Variants in FAT3 observed in about 807,000 individuals in gnomAD.
FAT3 encodes the protein FAT atypical cadherin 3.
Under a neutral mutation model 310.2 loss-of-function variants are expected in FAT3, and 95 were observed. The ratio of observed to expected loss-of-function variants is 0.31; its 90% confidence interval spans 0.26 to 0.36. The LOEUF (loss-of-function observed/expected upper bound fraction) is 0.36, where lower values mean the gene tolerates loss of function less well. FAT3 is among the 10% of genes least tolerant of loss of function. FAT3 has a pLI of 1.00. For synonymous variants in FAT3, 2,314 were observed against 2,192.9 expected (o/e 1.06, Z -1.54); for missense variants, 5,408 against 5,715.6 (o/e 0.95, Z 1.74).
At chr11:92,780,807 C>A (rs370767887) in intron 7 of FAT3, among the ~76,000 whole-genome samples, 4 of 152,122 alleles carry the variant, frequency 2.6e-5, no homozygotes, top group South Asian at 4.1e-4. Flanking sequence ...AATACTTCAG[C>A]CTTCTCATAG....
At chr11:92,796,729 C>G (rs1224447615) in intron 9 of FAT3, among the ~76,000 whole-genome samples, 1 of 152,182 alleles carries the variant, frequency 6.6e-6, no homozygotes. Context: ...GTGAGGGATG[C>G]AACTTCACAC....
chr11:92,704,789 A>G (rs1034142972), intron 4 of FAT3, among the ~76,000 whole-genome samples: 1 of 152,198 alleles, frequency 6.6e-6, no homozygotes, highest in African/African-American at 2.4e-5. Context: ...TCGGTTATGC[A>G]GCCCTAGCAG....
At chr11:92,491,832 G>A (rs1311954534) in intron 2 of FAT3, among the ~76,000 whole-genome samples, 1 of 152,076 alleles carries the variant, frequency 6.6e-6, no homozygotes, top group African/African-American at 2.4e-5. Context: ...CAGGTGGGTA[G>A]CCTGGCCATG....
At chr11:92,816,515 G>A (rs1947830259) in intron 13 of FAT3, among the ~76,000 whole-genome samples, 1 of 152,206 alleles carries the variant, frequency 6.6e-6, no homozygotes, top group South Asian at 2.1e-4. Context: ...GGGACACATA[G>A]GGGAGGACTG....
chr11:92,773,973 G>T (rs746128260), intron 6 of FAT3, 68 bp from the exon 7 acceptor site: 148 of 1,561,908 alleles, frequency 9.5e-5, no homozygotes, highest in Admixed American at 1.9e-4. Flanking sequence ...TCCCTTTAAA[G>T]ATATATGATA....
At position 92,831,812 on chromosome 11, in the gene FAT3, C is replaced by G; in HGVS notation, c.9672C>G (p.Ile3224Met). The change falls in exon 14 of 28, where the codon ATC becomes ATG. Residue 3224 changes from isoleucine to methionine, a missense_variant. Physicochemically the swap from Ile to Met is conservative, Grantham distance 10. Coordinates refer to ENST00000525166, the MANE Select transcript of FAT3 (RefSeq NM_001367949.2). ...TGTCCTCTCTCACTACTGTCACCAT[C>G]ACCGTTCTGGACATTAATGACAACC... ...QSLSSLTTVT[I>M]TVLDINDNPP... The G allele has an allele frequency of 6.2e-7, 1 of 1,613,636 alleles. No homozygotes were observed. Among genetic ancestry groups the G allele is most frequent in the Non-Finnish European group, 8.5e-7 (1 of 1,179,776 alleles).
chr11:92,444,490 AGAGT>A (rs1951162873), intron 2 of FAT3, among the ~76,000 whole-genome samples: 1 of 152,176 alleles, frequency 6.6e-6, no homozygotes, highest in African/African-American at 2.4e-5. Flanking sequence ...TGTCCTGCGC[AGAGT>A]GAGTGCTATA....
chr11:92,749,945 T>G (rs966296604), intron 4 of FAT3, among the ~76,000 whole-genome samples: 1 of 152,148 alleles, frequency 6.6e-6, no homozygotes, highest in Non-Finnish European at 1.5e-5. Context: ...TTTTACCCAT[T>G]AGGATACATA....
At chr11:92,849,502 T>A (rs575595129) in intron 19 of FAT3, among the ~76,000 whole-genome samples, 4 of 152,190 alleles carry the variant, frequency 2.6e-5, no homozygotes, top group Non-Finnish European at 5.9e-5. Context: ...CAAGCTGCCC[T>A]CTGGATAACT....
chr11:92,360,374 G>T (rs917095088), intron 2 of FAT3, among the ~76,000 whole-genome samples: 3 of 152,136 alleles, frequency 2.0e-5, no homozygotes, highest in African/African-American at 7.2e-5. Flanking sequence ...CACAGTAAAT[G>T]GATTAAATGG....
At position 92,352,731 on chromosome 11, in the gene FAT3, C is replaced by G. The variant is rs2134632898; in HGVS notation, c.619C>G (p.His207Asp). 1 of 1,613,818 alleles carries G rather than the reference C, an allele frequency of 6.2e-7. No homozygotes were observed. Among genetic ancestry groups the G allele is most frequent in the East Asian group, 2.2e-5 (1 of 44,868 alleles). ...FKNKVDLFSV[H>D]PTSGVISLSG... ...AAATAAAGTTGATCTCTTTTCAGTT[C>G]ACCCCACGAGTGGTGTCATCTCCTT... Residue 207 changes from histidine (H) to aspartate (D), a missense_variant, in exon 2 of 28, where the codon CAC becomes GAC. This residue lies in a region of FAT3 where 4,588 missense variants were observed against 4,809.8 expected (regional missense o/e 0.95). Transcript: ENST00000525166.
chr11:92,856,320 T>G (rs1280484723), intron 19 of FAT3, among the ~76,000 whole-genome samples: 2 of 94,252 alleles, frequency 2.1e-5, no homozygotes, highest in Admixed American at 1.2e-4. Context: ...CAGTTGTGGG[T>G]TTTTTTAAAT....
chr11:92,509,255 C>A (rs1016356268), intron 2 of FAT3, among the ~76,000 whole-genome samples: 5 of 152,072 alleles, frequency 3.3e-5, no homozygotes, highest in Non-Finnish European at 5.9e-5. Flanking sequence ...TCTGAAACTG[C>A]TGGTTAAAAT....
At position 92,453,374 on chromosome 11, in the gene FAT3, T is replaced by G. The variant is rs532116826; in HGVS notation, c.3293-71260T>G. On this transcript the variant is annotated intron_variant, in intron 2 of 27. Coordinates refer to ENST00000525166, the MANE Select transcript of FAT3 (RefSeq NM_001367949.2). ...AGCAAAATGGTTGATTCCCCTTTCT[T>G]TGAGTCTTTTCCTTGTTTTAGTCAG... Among the ~76,000 whole-genome samples the G allele has an allele frequency of 3.9e-5, 6 of 152,316 alleles. No homozygotes were observed. In the East Asian group the frequency reaches 1.2e-3, roughly 29 times the overall value.
At chr11:92,519,043 A>G (rs1953593676) in intron 2 of FAT3, among the ~76,000 whole-genome samples, 1 of 152,134 alleles carries the variant, frequency 6.6e-6, no homozygotes, top group South Asian at 2.1e-4. Context: ...TATGGATTTT[A>G]AAGATGATTC....
rs961960612 is a variant in FAT3 at position 92,355,216 on chromosome 11, AT to A, written c.3105del (p.Asn1035LysfsTer18). The A allele has an allele frequency of 1.2e-6, 2 of 1,613,658 alleles. No homozygotes were observed. Among genetic ancestry groups the A allele is most frequent in the Non-Finnish European group, 1.7e-6 (2 of 1,179,856 alleles). ...SFVEVEVVDV[N>X]ENLHTPYFPD... ...GTTGAGGTGGAAGTGGTGGATGTCA[AT>A]GAAAACCTCCACACTCCCTATTTCC... On this transcript the variant is annotated frameshift_variant, in exon 2 of 28. Transcript: ENST00000525166. LOFTEE classifies it high-confidence loss of function.
At position 92,744,802 on chromosome 11, in the gene FAT3, T is replaced by C. The variant is rs997729632; in HGVS notation, c.3670-17054T>C. Among the ~76,000 whole-genome samples, 6 of 152,326 alleles carry C rather than the reference T, an allele frequency of 3.9e-5. No homozygotes were observed. The East Asian group carries it at 9.6e-4, about 24-fold the overall frequency. ...GGCCAAAAAAAAGAAAGCATATTTC[T>C]GGGCCACCAGTTCATGATCTCTACC... On this transcript the variant is annotated intron_variant, in intron 4 of 27. Transcript: ENST00000525166.
At chr11:92,746,981 G>A (rs1224349319) in intron 4 of FAT3, among the ~76,000 whole-genome samples, 1 of 152,184 alleles carries the variant, frequency 6.6e-6, no homozygotes, top group Non-Finnish European at 1.5e-5. Context: ...CTGACATTGT[G>A]TCTGCAGCTT....
intron 24 of FAT3, among the ~76,000 whole-genome samples, chr11:92,886,013 T>C (rs1033230894): frequency 7.9e-5 from 12 of 152,184 alleles, no homozygotes; most frequent in African/African-American, 2.7e-4. Flanking sequence ...GAGGAACAAA[T>C]GTTCCTTTAA....
Sources: gnomAD v4.1 joint callset for allele counts (sites outside exome capture counted in the v4.1 genomes callset) on GRCh38, gnomAD v4.1.1 for gene constraint, gnomAD v4.1.1 regional missense constraint, MANE v1.5 for transcripts, NCBI Gene and HGNC (gene_info 2026-07-23, HGNC 2026-07-21) for gene names.